Variants in CDKL5 observed in about 807,000 individuals in gnomAD.
CDKL5 encodes cyclin dependent kinase like 5, also known as cyclin-dependent kinase-like 5.
In CDKL5, 8 loss-of-function variants were observed where a neutral mutation model predicts 61.7. The ratio of observed to expected loss-of-function variants is 0.13; its 90% CI spans 0.08 to 0.23. The LOEUF (loss-of-function observed/expected upper bound fraction) is 0.23. CDKL5 is among the 10% of genes least tolerant of loss of function. The pLI is 1.00. For missense variants in CDKL5, 440 were observed against 734.5 expected (o/e 0.60, Z 4.63); for synonymous variants, 275 against 272.3 (o/e 1.01, Z -0.10).
chrX:18,554,419 T>C (rs1924523845), intron 3 of CDKL5, among the ~76,000 whole-genome samples: 1 of 103,701 alleles, frequency 9.6e-6, no homozygotes, highest in Admixed American at 1.0e-4. Context: ...ACTGTCTTTT[T>C]TTTTTTTTTT....
At position 18,636,336 on chromosome X, in the gene CDKL5, T is replaced by TTTTTTA. The variant is rs778527858; in HGVS notation, c.*7581_*7582insTTTATT. The stretch of plus-strand genomic sequence containing the variant: ...CAGGCACAATGCCCAAGTGTTTTGC[T>TTTTTTA]TTATTATTATTATTATTATTATTAT... On this transcript the variant is annotated 3_prime_UTR_variant, in exon 18 of 18. Transcript: ENST00000623535. The TTTTTTA allele has an allele frequency of 1.1e-5, 1 of 94,021 alleles. No homozygotes were observed. Among genetic ancestry groups the TTTTTTA allele is most frequent in the East Asian group, 3.4e-4 (1 of 2,981 alleles). The allele number at this position is 94,021 out of a possible 1,213,427, so 7.7% of individuals were successfully genotyped here. A position where few individuals can be genotyped will look rare whatever the true frequency, so the allele number is the denominator to read the frequency against.
At chrX:18,644,625 C>G, downstream of CDKL5, 1 of 1,210,342 alleles carries the variant, frequency 8.3e-7, no homozygotes. Context: ...GCCAGGCACA[C>G]CTGCCGAGAA....
At chrX:18,562,462 A>T (rs1249483398) in intron 3 of CDKL5, among the ~76,000 whole-genome samples, 2 of 112,292 alleles carry the variant, frequency 1.8e-5, no homozygotes, top group Non-Finnish European at 3.8e-5. Context: ...ATACAATAAG[A>T]TGTCCAATAT....
At chrX:18,642,458 C>T (rs1490611204), downstream of CDKL5, among the ~76,000 whole-genome samples, 2 of 110,730 alleles carry the variant, frequency 1.8e-5, no homozygotes, top group Non-Finnish European at 3.8e-5. Flanking sequence ...TTCAAGTGGC[C>T]GCCATATTGG....
chrX:18,621,358 ACTTG>A (rs1283716315), intron 16 of CDKL5, among the ~76,000 whole-genome samples: 2 of 112,066 alleles, frequency 1.8e-5, no homozygotes, highest in Non-Finnish European at 3.8e-5. Flanking sequence ...TCATTCTTTC[ACTTG>A]CTTGCTTGTT....
chrX:18,545,511 G>C (rs1924159864), intron 3 of CDKL5, among the ~76,000 whole-genome samples: 1 of 112,010 alleles, frequency 8.9e-6, no homozygotes. Flanking sequence ...TAATTGTAAA[G>C]CAGTTATAAT....
chrX:18,630,954 C>T lies in CDKL5; in HGVS notation c.*2197C>T. On this transcript the variant is annotated 3_prime_UTR_variant, in exon 18 of 18. Coordinates refer to ENST00000623535, the MANE Select transcript of CDKL5 (RefSeq NM_001323289.2). ...AACTCTTCTTTTTCATACTAGATCT[C>T]TACCTTGTATTCCCCCCTTGCAAAC... 1.3e-6 allele frequency: 1 copy of T among 747,505 alleles called. No homozygotes were observed. The highest frequency in any genetic ancestry group is 1.6e-6 in the Non-Finnish European group (1 of 637,251). The allele number at this position is 747,505 out of a possible 1,213,427, so 61.6% of individuals were successfully genotyped here.
intron 12 of CDKL5, among the ~76,000 whole-genome samples, chrX:18,606,201 C>A (rs1926361136): frequency 9.0e-6 from 1 of 111,139 alleles, no homozygotes; most frequent in South Asian, 3.8e-4. Context: ...CACACACACA[C>A]ACACACACAA....
rs1302310922 is a variant in CDKL5 at position 18,476,774 on chromosome X, C to CTT, written c.-162-30151_-162-30150dup. Among the ~76,000 whole-genome samples the CTT allele has an allele frequency of 1.8e-3, 193 of 106,611 alleles. 1 individual carries two copies. Among genetic ancestry groups the CTT allele is most frequent in the African/African-American group, 6.0e-3 (179 of 29,641 alleles). 92.6% of individuals were successfully genotyped at this position (106,611 alleles called of 115,157 possible). A position where few individuals can be genotyped will look rare whatever the true frequency, so the allele number is the denominator to read the frequency against. ...TCGCATAGACAACATATAGTTGAAT[C>CTT]TTTTTTTTTTTGAGACGGAGTCTCG... is the stretch of plus-strand genomic sequence containing the variant. On this transcript the variant is annotated intron_variant, in intron 1 of 17. Coordinates refer to ENST00000623535, the MANE Select transcript of CDKL5 (RefSeq NM_001323289.2).
chrX:18,522,288 C>T lies in CDKL5; in HGVS notation c.99+11434C>T, dbSNP rs186113161. Among the ~76,000 whole-genome samples the T allele has an allele frequency of 4.9e-3, 445 of 91,379 alleles. 2 individuals carry two copies. The Middle Eastern group carries it at 0.05, about 10-fold the overall frequency. 79.4% of individuals were successfully genotyped at this position (91,379 alleles called of 115,157 possible). ...TTAGATGTTTTATTCATTCGGATGC[C>T]TTTTTTGTTTTTGAGGCAGAGTCTT... is the stretch of plus-strand genomic sequence containing the variant. On this transcript the variant is annotated intron_variant, in intron 3 of 17. Transcript: ENST00000623535.
At chrX:18,620,553 C>G (rs1926860885) in intron 16 of CDKL5, among the ~76,000 whole-genome samples, 1 of 111,085 alleles carries the variant, frequency 9.0e-6, no homozygotes, top group Non-Finnish European at 1.9e-5. Flanking sequence ...GAACAAAGAG[C>G]TGGCTCCATG....
chrX:18,634,292 CA>C lies in CDKL5; in HGVS notation c.*5539del, dbSNP rs1307356397. On this transcript the variant is annotated 3_prime_UTR_variant, in exon 18 of 18. Coordinates refer to ENST00000623535, the MANE Select transcript of CDKL5 (RefSeq NM_001323289.2). ...CCTTTGGTTGGGGATTTTACTTTCC[CA>C]AAAGTCTGATCTGATTTCTTTCAGG... is the stretch of plus-strand genomic sequence containing the variant. 1.3e-6 allele frequency: 1 copy of C among 751,967 alleles called. No homozygotes were observed. The highest frequency in any genetic ancestry group is 2.3e-5 in the African/African-American group (1 of 43,012). 62.0% of individuals were successfully genotyped at this position (751,967 alleles called of 1,213,427 possible). A position where few individuals can be genotyped will look rare whatever the true frequency, so the allele number is the denominator to read the frequency against.
chrX:18,489,001 G>A (rs1414619552), intron 1 of CDKL5, among the ~76,000 whole-genome samples: 1 of 111,678 alleles, frequency 9.0e-6, no homozygotes, highest in Non-Finnish European at 1.9e-5. Flanking sequence ...TCTCTATTTT[G>A]AAATGGCCCT....
chrX:18,476,372 T>G (rs1457723788), intron 1 of CDKL5, among the ~76,000 whole-genome samples: 1 of 110,934 alleles, frequency 9.0e-6, no homozygotes, highest in Non-Finnish European at 1.9e-5. Context: ...TGCACCACGA[T>G]GCCTGGCTAC....
intron 3 of CDKL5, among the ~76,000 whole-genome samples, chrX:18,543,509 A>C (rs1014837945): frequency 5.4e-5 from 6 of 110,838 alleles, no homozygotes; most frequent in South Asian, 3.9e-4. Context: ...AGGACCTGGA[A>C]GGAGTGGGGC....
At chrX:18,624,117 G>A (rs1211083436) in intron 16 of CDKL5, 16 of 248,772 alleles carry the variant, frequency 6.4e-5, no homozygotes, top group Non-Finnish European at 8.4e-5. Context: ...AGTTAAGTAC[G>A]TGAGCCAGTT....
intron 1 of CDKL5, among the ~76,000 whole-genome samples, chrX:18,456,594 A>G (rs1030781925): frequency 5.4e-5 from 6 of 111,727 alleles, no homozygotes; most frequent in Non-Finnish European, 1.1e-4. Flanking sequence ...TGAGGAGGAG[A>G]GATTAATTCA....
At chrX:18,583,415 T>C (rs1195836398) in intron 7 of CDKL5, among the ~76,000 whole-genome samples, 4 of 112,145 alleles carry the variant, frequency 3.6e-5, no homozygotes, top group Non-Finnish European at 5.6e-5. Context: ...GCGTGTCTTA[T>C]GAAGAAACAT....
chrX:18,478,249 C>G (rs1479271358), intron 1 of CDKL5, among the ~76,000 whole-genome samples: 8 of 104,570 alleles, frequency 7.7e-5, no homozygotes, highest in South Asian at 8.4e-4. Context: ...TGTCATCTTA[C>G]TGCCTTCCAG....
Sources: gnomAD v4.1 joint callset for allele counts (sites outside exome capture counted in the v4.1 genomes callset) on GRCh38, gnomAD v4.1.1 for gene constraint, MANE v1.5 for transcripts, NCBI Gene and HGNC (gene_info 2026-07-23, HGNC 2026-07-21) for gene names.